NBEA: variants seen among roughly 807,000 people sequenced by gnomAD.
The protein encoded by NBEA is neurobeachin.
In NBEA, 44 loss-of-function variants were observed where a neutral mutation model predicts 343.4. The ratio of observed to expected loss-of-function variants is 0.13; its 90% confidence interval spans 0.10 to 0.16. The LOEUF (loss-of-function observed/expected upper bound fraction) is 0.16. Among genes scored for constraint, NBEA ranks in the 10% least tolerant of loss-of-function variants. The pLI is 1.00. For synonymous variants in NBEA, 1,175 were observed against 1,238.7 expected, an observed-to-expected ratio of 0.95 and a Z score of 1.08; for missense variants, 2,555 against 3,631.3, an observed-to-expected ratio of 0.70 and a Z score of 7.62.
chr13:35,090,551 T>A (rs770738694), intron 10 of NBEA, among the ~76,000 whole-genome samples: 5 of 151,914 alleles, frequency 3.3e-5, no homozygotes, highest in Admixed American at 2.6e-4. Context: ...CTATTAGGGA[T>A]GTGGTGGCAT....
At chr13:35,456,027 A>C (rs1200461868) in intron 40 of NBEA, among the ~76,000 whole-genome samples, 1 of 152,046 alleles carries the variant, frequency 6.6e-6, no homozygotes, top group Non-Finnish European at 1.5e-5. Flanking sequence ...GAAGTATATG[A>C]ATATGTATAA....
rs370596435 is a variant in NBEA, at chr13:35,196,103, A to T, written c.5167A>T (p.Ser1723Cys). The T allele has an allele frequency of 1.2e-6, 2 of 1,613,534 alleles. No homozygotes were observed. The highest frequency in any genetic ancestry group is 1.7e-6 in the Non-Finnish European group (2 of 1,179,744). ...ACAAGAGAGCTTAACTGAAAATCCT[A>T]GTGAAACGTTGAAGCCTGCAACATC... ...KSQESLTENP[S>C]ETLKPATSIS... The change falls in exon 31 of 59, where the codon AGT (serine) becomes TGT (cysteine). Residue 1723 changes from serine (S) to cysteine (C), a missense_variant. This residue lies in a region of NBEA where 270 missense variants were observed against 293.3 expected (regional missense o/e 0.92). Coordinates refer to ENST00000379939, the MANE Select transcript of NBEA (RefSeq NM_001385012.1).
At chr13:35,155,957 C>T in intron 19 of NBEA, 102 bp downstream of exon 19, 2 of 1,476,488 alleles carry the variant, frequency 1.4e-6, no homozygotes, top group South Asian at 2.4e-5. Flanking sequence ...ATGGTGTTTA[C>T]CTAGTTCATG....
At chr13:35,070,183 C>T (rs2063810946) in intron 9 of NBEA, 78 bp downstream of exon 9, 14 of 1,282,446 alleles carry the variant, frequency 1.1e-5, no homozygotes, top group Non-Finnish European at 1.4e-5. Context: ...AAACATTGCT[C>T]ATCTATAAAT....
intron 36 of NBEA, among the ~76,000 whole-genome samples, chr13:35,313,144 G>A (rs1208563389): frequency 6.6e-6 from 1 of 152,176 alleles, no homozygotes; most frequent in Non-Finnish European, 1.5e-5. Flanking sequence ...TGACACGACT[G>A]GTTGTTTCTC....
At chr13:35,551,665 G>GGT (rs1306507112) in intron 43 of NBEA, among the ~76,000 whole-genome samples, 1 of 151,856 alleles carries the variant, frequency 6.6e-6, no homozygotes, top group Non-Finnish European at 1.5e-5. Flanking sequence ...AAACTATAGG[G>GGT]GTGTGTGTGT....
At chr13:35,496,631 C>CAAAAAAAAAAAAAAAAAAAATAAA (rs3075499) in intron 41 of NBEA, among the ~76,000 whole-genome samples, 1 of 105,262 alleles carries the variant, frequency 9.5e-6, no homozygotes, top group Non-Finnish European at 2.1e-5. Flanking sequence ...GAGATTCTGT[C>CAAAAAAAAAAAAAAAAAAAATAAA]AAAAAAAAAA....
At chr13:34,989,212 T>C (rs1013631106) in intron 1 of NBEA, among the ~76,000 whole-genome samples, 1 of 151,044 alleles carries the variant, frequency 6.6e-6, no homozygotes. Flanking sequence ...TAATTAAAAG[T>C]CATTTATCTT....
intron 18 of NBEA, among the ~76,000 whole-genome samples, chr13:35,145,182 T>G (rs2068340497): frequency 6.6e-6 from 1 of 152,228 alleles, no homozygotes; most frequent in Admixed American, 6.5e-5. Flanking sequence ...TAGTTCATGC[T>G]TTGGCACGGT....
intron 1 of NBEA, among the ~76,000 whole-genome samples, chr13:35,035,858 A>G (rs1286515001): frequency 6.6e-6 from 1 of 151,362 alleles, no homozygotes; most frequent in Non-Finnish European, 1.5e-5. Context: ...TTTCTTTGGC[A>G]TGGGATATCT....
intron 38 of NBEA, among the ~76,000 whole-genome samples, chr13:35,423,252 A>G (rs1029203268): frequency 2.0e-5 from 3 of 152,126 alleles, no homozygotes; most frequent in African/African-American, 7.2e-5. Flanking sequence ...GGTATTGCCT[A>G]GGTTTTCTTT....
intron 36 of NBEA, among the ~76,000 whole-genome samples, chr13:35,342,653 G>A (rs2039651048): frequency 6.6e-6 from 1 of 151,928 alleles, no homozygotes; most frequent in South Asian, 2.1e-4. Flanking sequence ...TAAGTTAGAA[G>A]GGATTGTTAC....
chr13:35,434,660 A>T (rs2045323534), intron 39 of NBEA, among the ~76,000 whole-genome samples: 1 of 152,214 alleles, frequency 6.6e-6, no homozygotes, highest in Non-Finnish European at 1.5e-5. Context: ...TTTAGGACTG[A>T]GTGGAGAGTT....
chr13:35,184,106 A>G, intron 30 of NBEA, 35 bp downstream of exon 30: 1 of 1,444,692 alleles, frequency 6.9e-7, no homozygotes. Flanking sequence ...CTGTTTGGGT[A>G]TTCTTATTTC....
At chr13:35,232,640 T>G (rs2075036129) in intron 34 of NBEA, 21 bp downstream of exon 34, 1 of 1,438,032 alleles carries the variant, frequency 7.0e-7, no homozygotes, top group Non-Finnish European at 9.3e-7. Context: ...TCTATTATAA[T>G]TATTTTAGTT....
intron 38 of NBEA, among the ~76,000 whole-genome samples, chr13:35,353,849 A>T (rs1254336905): frequency 1.3e-5 from 2 of 152,326 alleles, no homozygotes; most frequent in East Asian, 3.9e-4. Flanking sequence ...CTCCAGAGAT[A>T]TTTATATTCA....
chr13:35,272,594 C>T (rs557863136), intron 34 of NBEA, among the ~76,000 whole-genome samples: 1 of 152,170 alleles, frequency 6.6e-6, no homozygotes, highest in South Asian at 2.1e-4. Context: ...CATCAGTGTG[C>T]CGTATTCAGG....
chr13:35,557,438 T>G (rs953409690), intron 44 of NBEA, among the ~76,000 whole-genome samples: 3 of 152,184 alleles, frequency 2.0e-5, no homozygotes, highest in African/African-American at 7.2e-5. Context: ...GTATAGAGCC[T>G]AATATGCTTT....
chr13:35,661,224 G>A (rs1055515350), intron 55 of NBEA, among the ~76,000 whole-genome samples: 5 of 152,158 alleles, frequency 3.3e-5, no homozygotes, highest in East Asian at 1.9e-4. Flanking sequence ...TGGGCTTTAC[G>A]CAGAGCCCAG....
Sources: gnomAD v4.1 joint callset for allele counts (sites outside exome capture counted in the v4.1 genomes callset) on GRCh38, gnomAD v4.1.1 for gene constraint, gnomAD v4.1.1 regional missense constraint, MANE v1.5 for transcripts, NCBI Gene and HGNC (gene_info 2026-07-23, HGNC 2026-07-21) for gene names.